Variants in TRABD2B observed in about 807,000 individuals in gnomAD.
TRABD2B encodes the protein metalloprotease TIKI2.
TRABD2B carries 14 observed loss-of-function variants against 40.1 expected under a neutral mutation model. The observed-to-expected ratio is 0.35, with a 90% CI of 0.23 to 0.55. The LOEUF (loss-of-function observed/expected upper bound fraction) is 0.55, where lower values mean the gene tolerates loss of function less well. Ranked by LOEUF, TRABD2B falls within the 20% of genes least tolerant of loss-of-function variation. The pLI, the probability that TRABD2B is intolerant of heterozygous loss-of-function variation, is 0.90. For synonymous variants in TRABD2B, 263 were observed against 277.0 expected, an observed-to-expected ratio of 0.95 and a Z score of 0.50; for missense variants, 541 against 648.6, an observed-to-expected ratio of 0.83 and a Z score of 1.80.
intron 2 of TRABD2B, among the ~76,000 whole-genome samples, chr1:47,877,014 G>C (rs959266090): frequency 1.3e-5 from 2 of 152,156 alleles, no homozygotes; most frequent in Non-Finnish European, 2.9e-5. Flanking sequence ...GTAAGGAAGA[G>C]AGACAAAGAA....
At chr1:47,958,423 TAA>T (rs1645457742) in intron 2 of TRABD2B, among the ~76,000 whole-genome samples, 1 of 147,344 alleles carries the variant, frequency 6.8e-6, no homozygotes, top group Non-Finnish European at 1.5e-5. Context: ...GCAAACTGGA[TAA>T]AGAGTCAAGA....
chr1:47,961,686 T>A (rs1426137016), intron 2 of TRABD2B, among the ~76,000 whole-genome samples: 1 of 152,110 alleles, frequency 6.6e-6, no homozygotes, highest in Non-Finnish European at 1.5e-5. Flanking sequence ...CCAGTTAGAA[T>A]GGCGATCATT....
chr1:47,827,553 T>C (rs969757202), intron 2 of TRABD2B, among the ~76,000 whole-genome samples: 1 of 152,160 alleles, frequency 6.6e-6, no homozygotes, highest in Non-Finnish European at 1.5e-5. Flanking sequence ...ACCTGACTTG[T>C]CTTGTTTGTG....
intron 2 of TRABD2B, among the ~76,000 whole-genome samples, chr1:47,930,953 G>A (rs1281063198): frequency 1.3e-5 from 2 of 152,094 alleles, no homozygotes; most frequent in East Asian, 3.9e-4. Flanking sequence ...TAAAAACCGT[G>A]GCCACCTTCA....
chr1:47,977,132 G>C (rs1369105421), intron 2 of TRABD2B, among the ~76,000 whole-genome samples: 1 of 151,306 alleles, frequency 6.6e-6, no homozygotes, highest in African/African-American at 2.4e-5. Flanking sequence ...GAGTGCAGTG[G>C]TGCGATCTTG....
At chr1:47,855,907 A>G (rs1311537535) in intron 2 of TRABD2B, among the ~76,000 whole-genome samples, 1 of 152,230 alleles carries the variant, frequency 6.6e-6, no homozygotes, top group African/African-American at 2.4e-5. Context: ...AAGAGAAATC[A>G]ATATCTGTTA....
intron 2 of TRABD2B, among the ~76,000 whole-genome samples, chr1:47,838,062 G>T (rs1645343556): frequency 6.6e-6 from 1 of 152,202 alleles, no homozygotes; most frequent in Admixed American, 6.5e-5. Context: ...GCACAGCCCT[G>T]CCTTTGTGTA....
In TRABD2B at chr1:47,884,718, C is replaced by T. The variant is rs111649666; in HGVS notation, c.667-83099G>A. Among the ~76,000 whole-genome samples the T allele has an allele frequency of 5.3e-5, 8 of 152,200 alleles. 2 individuals are homozygous for T. The highest frequency in any genetic ancestry group is 1.9e-4 in the African/African-American group (8 of 41,520). On this transcript the variant is annotated intron_variant, in intron 2 of 6. Coordinates refer to ENST00000606738, the MANE Select transcript of TRABD2B (RefSeq NM_001194986.2). ...AACCTCTCTACCTCCCAGGTTCAAG[C>T]GATTCTCCAGCCTCAGCCTCCCAAG...
intron 2 of TRABD2B, among the ~76,000 whole-genome samples, chr1:47,967,247 T>C (rs1645616382): frequency 1.3e-5 from 2 of 152,130 alleles, no homozygotes; most frequent in Non-Finnish European, 1.5e-5. Flanking sequence ...CATTAGATCC[T>C]GGTGCTTAGA....
chr1:47,892,968 A>C (rs1193667613), intron 2 of TRABD2B, among the ~76,000 whole-genome samples: 1 of 152,178 alleles, frequency 6.6e-6, no homozygotes, highest in Admixed American at 6.5e-5. Context: ...AGAGGAAAAA[A>C]GGTAAGCTGG....
At position 47,853,491 on chromosome 1, in the gene TRABD2B, A is replaced by T. The variant is rs191294386; in HGVS notation, c.667-51872T>A. Among the ~76,000 whole-genome samples, 9 of 152,248 alleles carry T rather than the reference A, an allele frequency of 5.9e-5. 1 individual carries two copies. The highest frequency in any genetic ancestry group is 2.6e-4 in the Admixed American group (4 of 15,298). On this transcript the variant is annotated intron_variant, in intron 2 of 6. Coordinates refer to ENST00000606738, the MANE Select transcript of TRABD2B (RefSeq NM_001194986.2). ...GAGGGTTGGGGATAACTCTGGTGGGATTTCTCATCATGTCTGACCTCAAAC... is the reference window on the plus strand; with the variant it reads ...GAGGGTTGGGGATAACTCTGGTGGGTTTTCTCATCATGTCTGACCTCAAAC...
At chr1:47,957,618 T>G (rs1044439225) in intron 2 of TRABD2B, among the ~76,000 whole-genome samples, 1 of 152,094 alleles carries the variant, frequency 6.6e-6, no homozygotes, top group African/African-American at 2.4e-5. Context: ...GTATCAGTGA[T>G]TGAAGATCAA....
At chr1:47,883,106 G>T (rs1283251690) in intron 2 of TRABD2B, among the ~76,000 whole-genome samples, 1 of 152,148 alleles carries the variant, frequency 6.6e-6, no homozygotes, top group Non-Finnish European at 1.5e-5. Context: ...TGCCTGATTT[G>T]TCTTATCTTA....
At chr1:47,773,341 G>A (rs765157856) in intron 6 of TRABD2B, among the ~76,000 whole-genome samples, 4 of 152,266 alleles carry the variant, frequency 2.6e-5, no homozygotes, top group East Asian at 1.9e-4. Context: ...TGCTGGGCAC[G>A]TGAACCAAAT....
At chr1:47,980,495 C>G (rs1645825739) in intron 2 of TRABD2B, among the ~76,000 whole-genome samples, 2 of 152,206 alleles carry the variant, frequency 1.3e-5, no homozygotes, top group Non-Finnish European at 2.9e-5. Flanking sequence ...AGGGTCAGCA[C>G]TCAACAGTAC....
At chr1:47,852,394 C>G (rs1399005846) in intron 2 of TRABD2B, among the ~76,000 whole-genome samples, 2 of 152,192 alleles carry the variant, frequency 1.3e-5, no homozygotes, top group African/African-American at 4.8e-5. Context: ...AAATTTCTGC[C>G]TCCCCCACTT....
chr1:47,970,696 G>C (rs1035461933), intron 2 of TRABD2B, among the ~76,000 whole-genome samples: 3 of 152,170 alleles, frequency 2.0e-5, no homozygotes, highest in African/African-American at 7.2e-5. Flanking sequence ...GACTTGGCTG[G>C]ACTCAACCTA....
chr1:47,991,897 T>C (rs1186310490), intron 2 of TRABD2B, among the ~76,000 whole-genome samples: 3 of 152,198 alleles, frequency 2.0e-5, no homozygotes, highest in Non-Finnish European at 1.5e-5. Flanking sequence ...TTTCTGATTT[T>C]GAATTTTTGG....
chr1:47,978,973 G>C (rs925494350), intron 2 of TRABD2B, among the ~76,000 whole-genome samples: 6 of 152,136 alleles, frequency 3.9e-5, no homozygotes, highest in African/African-American at 1.4e-4. Flanking sequence ...CCACCCACAG[G>C]GTGGTCCAGT....
Sources: gnomAD v4.1 joint callset for allele counts (sites outside exome capture counted in the v4.1 genomes callset) on GRCh38, gnomAD v4.1.1 for gene constraint, MANE v1.5 for transcripts, NCBI Gene and HGNC (gene_info 2026-07-23, HGNC 2026-07-21) for gene names.